Variants in RNF217 observed in about 807,000 individuals in gnomAD.
The protein encoded by RNF217 is E3 ubiquitin-protein ligase RNF217.
RNF217 carries 31 observed loss-of-function variants against 57.8 expected under a neutral mutation model. The observed-to-expected ratio is 0.54, with a 90% CI of 0.40 to 0.72. The LOEUF is 0.72. Among genes scored for constraint, RNF217 ranks in the 30% least tolerant of loss-of-function variants. The pLI, the probability that RNF217 is intolerant of heterozygous loss-of-function variation, is 0.00. For synonymous variants in RNF217, 313 were observed against 294.0 expected, an observed-to-expected ratio of 1.06 and a Z score of -0.66; for missense variants, 696 against 708.3, an observed-to-expected ratio of 0.98 and a Z score of 0.20.
intron 1 of RNF217, among the ~76,000 whole-genome samples, chr6:125,001,183 A>C (rs1453782036): frequency 6.6e-6 from 1 of 152,174 alleles, no homozygotes; most frequent in African/African-American, 2.4e-5. Context: ...AGTTTTTTGA[A>C]GATTGGAGTT....
At chr6:125,009,253 C>T (rs1785323585) in intron 1 of RNF217, 1 of 1,611,118 alleles carries the variant, frequency 6.2e-7, no homozygotes, top group Non-Finnish European at 8.5e-7. Flanking sequence ...CTCATCCACA[C>T]CCATAAACCA....
At chr6:125,025,048 G>A (rs1043554128) in intron 1 of RNF217, among the ~76,000 whole-genome samples, 6 of 152,134 alleles carry the variant, frequency 3.9e-5, no homozygotes, top group African/African-American at 1.2e-4. Flanking sequence ...CCACAAAGGA[G>A]GATACAGGGG....
intron 1 of RNF217, among the ~76,000 whole-genome samples, chr6:124,991,919 A>G (rs1422846519): frequency 6.6e-6 from 1 of 152,198 alleles, no homozygotes; most frequent in Non-Finnish European, 1.5e-5. Context: ...AGAAAGCTCT[A>G]TTAGACAGCC....
At chr6:125,015,675 C>A (rs772559702) in intron 1 of RNF217, among the ~76,000 whole-genome samples, 9 of 151,850 alleles carry the variant, frequency 5.9e-5, no homozygotes, top group Admixed American at 2.0e-4. Context: ...TATATTTTCT[C>A]TATTTTCTAC....
At chr6:124,971,045 T>A (rs758501293) in intron 1 of RNF217, among the ~76,000 whole-genome samples, 1 of 152,188 alleles carries the variant, frequency 6.6e-6, no homozygotes, top group Non-Finnish European at 1.5e-5. Context: ...ATTCTGTTTT[T>A]GTACTGCAGG....
At chr6:125,082,306 A>C (rs565264250) in intron 5 of RNF217, 1 of 822,912 alleles carries the variant, frequency 1.2e-6, no homozygotes, top group East Asian at 3.0e-5. Flanking sequence ...TTTTTGCTAA[A>C]TAAAATGATT....
intron 3 of RNF217, 58 bp downstream of exon 3, chr6:125,058,164 A>G: frequency 2.8e-6 from 4 of 1,419,584 alleles, no homozygotes; most frequent in South Asian, 1.5e-5. Context: ...TGACTGAACA[A>G]TATTTACATT....
intron 1 of RNF217, among the ~76,000 whole-genome samples, chr6:124,964,291 G>C (rs745385149): frequency 6.6e-6 from 1 of 152,128 alleles, no homozygotes; most frequent in African/African-American, 2.4e-5. Flanking sequence ...TCAAAACCCT[G>C]TGTGTTCAGG....
At chr6:125,010,170 C>G (rs968938200) in intron 1 of RNF217, among the ~76,000 whole-genome samples, 2 of 151,944 alleles carry the variant, frequency 1.3e-5, no homozygotes, top group South Asian at 2.1e-4. Context: ...TATGCTCGTT[C>G]AGTATTTTGC....
intron 4 of RNF217, among the ~76,000 whole-genome samples, chr6:125,078,590 C>T (rs1429919949): frequency 3.3e-5 from 5 of 152,060 alleles, no homozygotes; most frequent in Non-Finnish European, 7.4e-5. Context: ...GAACCCACTC[C>T]CTTGATAACT....
At chr6:125,012,944 T>G (rs1304412593) in intron 1 of RNF217, among the ~76,000 whole-genome samples, 1 of 152,166 alleles carries the variant, frequency 6.6e-6, no homozygotes, top group Non-Finnish European at 1.5e-5. Flanking sequence ...AACAACCCAG[T>G]CTTTTTCATG....
chr6:125,058,481 G>A lies in RNF217; in HGVS notation c.1281+375G>A, dbSNP rs375177942. ...ATTACTTCTCAATTATATAGGCTTT[G>A]AATCCTTGCGATCTTTTGCTTTTCT... On this transcript the variant is annotated intron_variant, in intron 3 of 5. Transcript: ENST00000521654. 2.3e-4 allele frequency among the ~76,000 whole-genome samples: 35 copies of A among 152,220 alleles called. No homozygotes were observed. The East Asian group carries it at 6.0e-3, about 26-fold the overall frequency.
In RNF217 at chr6:124,963,406, A is replaced by C. The variant is rs1438139575; in HGVS notation, c.862A>C (p.Lys288Gln). 2 of 1,480,772 alleles carry C rather than the reference A, an allele frequency of 1.4e-6. No individual in the cohort carries two copies. Among genetic ancestry groups the C allele is most frequent in the Non-Finnish European group, 1.8e-6 (2 of 1,120,106 alleles). The allele number at this position is 1,480,772 out of a possible 1,614,324, so 91.7% of individuals were successfully genotyped here. A position where few individuals can be genotyped will look rare whatever the true frequency, so the allele number is the denominator to read the frequency against. ...CKKAVCEECLKVYLSAQVQLG... is the reference protein window; with the variant it reads ...CKKAVCEECLQVYLSAQVQLG... ...GAAGGCCGTGTGCGAGGAGTGCCTC[A>C]AAGTCTACCTGAGCGCCCAGGTAAC... is the stretch of plus-strand genomic sequence containing the variant. Residue 288 changes from lysine (K) to glutamine (Q), a missense_variant, in exon 1 of 6, where the codon AAA becomes CAA. Transcript: ENST00000521654.
At chr6:125,040,672 T>C (rs1217925550) in intron 1 of RNF217, among the ~76,000 whole-genome samples, 1 of 152,132 alleles carries the variant, frequency 6.6e-6, no homozygotes, top group Non-Finnish European at 1.5e-5. Flanking sequence ...CTCATGAACA[T>C]TGAAGCGAAA....
chr6:125,001,404 A>G (rs1784976723), intron 1 of RNF217, among the ~76,000 whole-genome samples: 1 of 152,202 alleles, frequency 6.6e-6, no homozygotes, highest in Non-Finnish European at 1.5e-5. Flanking sequence ...CGGTAGAATG[A>G]AGGAACTAGT....
chr6:124,984,242 T>A (rs1162122504), intron 1 of RNF217, among the ~76,000 whole-genome samples: 1 of 152,102 alleles, frequency 6.6e-6, no homozygotes, highest in Non-Finnish European at 1.5e-5. Context: ...ATTGTGGTTG[T>A]GCTATAGTCA....
chr6:125,051,815 G>C lies in RNF217; in HGVS notation c.1117-6127G>C, dbSNP rs569041765. Among the ~76,000 whole-genome samples the C allele has an allele frequency of 2.6e-4, 40 of 152,100 alleles. No homozygotes were observed. In the South Asian group the frequency reaches 8.3e-3, roughly 32 times the overall value. On this transcript the variant is annotated intron_variant, in intron 2 of 5. Coordinates refer to ENST00000521654, the MANE Select transcript of RNF217 (RefSeq NM_001286398.3). The stretch of plus-strand genomic sequence containing the variant: ...TGTTGTGTTCAGAACAGGACATCTT[G>C]TTCAAAACAGGATGATACCACATTT...
At chr6:125,064,312 A>G (rs1444715785) in intron 3 of RNF217, among the ~76,000 whole-genome samples, 1 of 152,174 alleles carries the variant, frequency 6.6e-6, no homozygotes, top group East Asian at 1.9e-4. Flanking sequence ...CACTGTTTTT[A>G]TGGTATGCCA....
Position 125,047,265 on chromosome 6 carries a change from T to C in RNF217, c.1116+1821T>C, listed in dbSNP as rs144022154. 2.9e-3 allele frequency among the ~76,000 whole-genome samples: 437 copies of C among 152,206 alleles called. 2 individuals carry two copies. Among genetic ancestry groups the C allele is most frequent in the African/African-American group, 9.9e-3 (411 of 41,568 alleles). On this transcript the variant is annotated intron_variant, in intron 2 of 5. Coordinates refer to ENST00000521654, the MANE Select transcript of RNF217 (RefSeq NM_001286398.3). ...AGAGTGGGAATAACTGAGTAACTTTTAAATGTGTTGTTTTTATGAAATGGG... is the reference window on the plus strand; with the variant it reads ...AGAGTGGGAATAACTGAGTAACTTTCAAATGTGTTGTTTTTATGAAATGGG...
Sources: gnomAD v4.1 joint callset for allele counts (sites outside exome capture counted in the v4.1 genomes callset) on GRCh38, gnomAD v4.1.1 for gene constraint, MANE v1.5 for transcripts, NCBI Gene and HGNC (gene_info 2026-07-23, HGNC 2026-07-21) for gene names.